Variants in FUS observed in about 807,000 individuals in gnomAD.
FUS encodes the protein RNA-binding protein FUS.
Under a neutral mutation model 82.7 loss-of-function variants are expected in FUS, and 5 were observed. The observed-to-expected ratio is 0.06, with a 90% CI of 0.03 to 0.13. The LOEUF is 0.13. Ranked by LOEUF, FUS falls within the 10% of genes least tolerant of loss-of-function variation. The probability of loss-of-function intolerance (pLI) is 1.00; values close to 1 mark genes in which losing one functional copy is unlikely to be tolerated. For synonymous variants in FUS, 281 were observed against 247.4 expected (o/e 1.14, Z -1.27); for missense variants, 512 against 707.8 (o/e 0.72, Z 3.14).
intron 8 of FUS, chr16:31,188,722 T>G (rs2079308898): frequency 4.2e-6 from 2 of 473,396 alleles, no homozygotes. Flanking sequence ...CCTGACCACA[T>G]GAAGTAAAGC....
intron 3 of FUS, 173 bp downstream of exon 3, chr16:31,182,837 C>T (rs185469113): frequency 2.4e-5 from 18 of 752,940 alleles, no homozygotes; most frequent in Non-Finnish European, 3.6e-5. Context: ...CTGCCTCAGC[C>T]TCCTGAGTAG....
At chr16:31,191,980 G>A (rs1303034503), downstream of FUS, 4 of 533,126 alleles carry the variant, frequency 7.5e-6, no homozygotes, top group South Asian at 6.1e-5. Flanking sequence ...CATTTAAATG[G>A]GGCAGTATTC....
intron 8 of FUS, chr16:31,188,836 C>T: frequency 4.0e-6 from 2 of 505,012 alleles, no homozygotes; most frequent in Non-Finnish European, 7.1e-6. Flanking sequence ...TTGATAAATA[C>T]TGATGGACTT....
chr16:31,189,462 A>G (rs1347453827), intron 9 of FUS, among the ~76,000 whole-genome samples: 1 of 152,236 alleles, frequency 6.6e-6, no homozygotes, highest in Admixed American at 6.5e-5. Context: ...TTTGTACTCT[A>G]TAGTAACTTT....
At chr16:31,183,001 G>T (rs771921671) in intron 3 of FUS, 1 of 369,692 alleles carries the variant, frequency 2.7e-6, no homozygotes, top group African/African-American at 2.1e-5. Context: ...CAGCCACAAT[G>T]CCCTGAATGT....
At chr16:31,194,360 C>A (rs1258460837), downstream of FUS, 1 of 518,634 alleles carries the variant, frequency 1.9e-6, no homozygotes, top group African/African-American at 1.9e-5. Context: ...GTGATCTCGA[C>A]CAACTGCAAC....
Position 31,183,910 on chromosome 16 carries a change from T to C in FUS, c.243T>C (p.Tyr81=), listed in dbSNP as rs138534966. The C allele has an allele frequency of 5.6e-6, 9 of 1,614,072 alleles. No individual in the cohort carries two copies. In the African/African-American group the frequency reaches 9.3e-5, roughly 17 times the overall value. The change falls in exon 4 of 15, where the codon TAT becomes TAC. Residue 81 remains tyrosine (Y), a synonymous_variant. Transcript: ENST00000254108. ...TPQGYGSTGG[Y]GSSQSSQSSY... is the part of the protein sequence containing the mutation. ...AGGGATATGGCTCGACTGGCGGCTA[T>C]GGCAGTAGCCAGAGCTCCCAATCGT...
intron 6 of FUS, 147 bp downstream of exon 6, chr16:31,185,326 T>A: frequency 1.1e-6 from 1 of 951,938 alleles, no homozygotes; most frequent in Non-Finnish European, 1.5e-6. Context: ...AGTGACTTTC[T>A]TTTTACATCC....
intron 1 of FUS, among the ~76,000 whole-genome samples, chr16:31,180,981 C>T (rs900953567): frequency 4.6e-5 from 7 of 151,930 alleles, no homozygotes; most frequent in African/African-American, 1.7e-4. Flanking sequence ...GGTGCGATCT[C>T]AGATCACTGC....
At chr16:31,184,700 C>T (rs570540181) in intron 5 of FUS, among the ~76,000 whole-genome samples, 1 of 151,988 alleles carries the variant, frequency 6.6e-6, no homozygotes, top group East Asian at 2.0e-4. Flanking sequence ...GCCTTGGCCT[C>T]CCAAAGTGCT....
At chr16:31,191,194 A>G in intron 14 of FUS, 84 bp downstream of exon 14, 1 of 1,562,582 alleles carries the variant, frequency 6.4e-7, no homozygotes, top group South Asian at 1.1e-5. Context: ...AAGTGGTTTC[A>G]TTTTGAGGGC....
chr16:31,181,249 G>A (rs972141240), intron 1 of FUS, among the ~76,000 whole-genome samples: 1 of 152,216 alleles, frequency 6.6e-6, no homozygotes, highest in Non-Finnish European at 1.5e-5. Context: ...GGACGGAGAA[G>A]AACGGCCGCC....
chr16:31,193,709 C>G, downstream of FUS: 1 of 532,204 alleles, frequency 1.9e-6, no homozygotes, highest in East Asian at 3.9e-5. Context: ...CACCTAGCAG[C>G]AGAGAGAACA....
At chr16:31,185,546 A>G (rs1199264888) in intron 6 of FUS, 1 of 553,824 alleles carries the variant, frequency 1.8e-6, no homozygotes, top group Admixed American at 2.2e-5. Flanking sequence ...GGGAAATAGT[A>G]GGGAAACTTG....
rs768815203 is a variant in FUS at position 31,184,444 on chromosome 16, T to C, written c.523+48T>C. The C allele has an allele frequency of 3.4e-5, 52 of 1,520,076 alleles. No individual in the cohort carries two copies. Among genetic ancestry groups the C allele is most frequent in the African/African-American group, 1.5e-4 (11 of 71,282 alleles). The allele number at this position is 1,520,076 out of a possible 1,614,324, so 94.2% of individuals were successfully genotyped here. On this transcript the variant is annotated intron_variant, in intron 5 of 14. Coordinates refer to ENST00000254108, the MANE Select transcript of FUS (RefSeq NM_004960.4). ...TGCAGCCCATTTTCTTTTTCTTTTT[T>C]TTTTTTTTTTTGAGACGGAGTCTTG...
intron 8 of FUS, 29 bp from the exon 9 acceptor site, chr16:31,189,094 C>A (rs72550862): frequency 6.5e-7 from 1 of 1,533,846 alleles, no homozygotes; most frequent in Non-Finnish European, 9.0e-7. Flanking sequence ...TACCTTTTCA[C>A]ATTTGCATTT....
rs770612118 is a variant in FUS, at chr16:31,184,190, T to G, written c.336-19T>G. On this transcript the variant is annotated intron_variant, in intron 4 of 14. Transcript: ENST00000254108. ...GCTATGCTGGGATTGTGATTGTGTT[T>G]TTTGTTTGTTTTCCCTAGTTACGGT... The G allele has an allele frequency of 2.2e-5, 35 of 1,613,188 alleles. No individual in the cohort carries two copies. The highest frequency in any genetic ancestry group is 3.0e-5 in the Non-Finnish European group (35 of 1,179,798).
chr16:31,193,307 A>C (rs773490081), downstream of FUS: 7 of 516,844 alleles, frequency 1.4e-5, no homozygotes, highest in Non-Finnish European at 2.6e-5. Flanking sequence ...TATTAAAAAC[A>C]AAGGATCGTC....
At chr16:31,194,485 A>T, downstream of FUS, 1 of 499,408 alleles carries the variant, frequency 2.0e-6, no homozygotes, top group Non-Finnish European at 3.9e-6. Context: ...TTTTGTGGAG[A>T]TGGGGTCTTG....
Sources: allele counts gnomAD v4.1 joint callset (sites outside exome capture counted in the v4.1 genomes callset), GRCh38; gene constraint gnomAD v4.1.1; transcripts MANE v1.5; gene names NCBI Gene and HGNC (gene_info 2026-07-23, HGNC 2026-07-21).